RALYL: variants seen among roughly 807,000 people sequenced by gnomAD.
RALYL encodes RALY RNA binding protein like, also known as RNA-binding Raly-like protein.
Under a neutral mutation model 35.1 loss-of-function variants are expected in RALYL, and 29 were observed. The ratio of observed to expected loss-of-function variants is 0.83; its 90% CI spans 0.61 to 1.13. RALYL has a LOEUF of 1.13. Ranked by LOEUF, RALYL falls within the 50% of genes most tolerant of loss-of-function variation. RALYL has a pLI of 0.00. For synonymous variants in RALYL, 120 were observed against 127.6 expected, an observed-to-expected ratio of 0.94 and a Z score of 0.40; for missense variants, 359 against 360.4, an observed-to-expected ratio of 1.00 and a Z score of 0.03.
At chr8:84,907,850 G>A (rs1232927593) in intron 8 of RALYL, among the ~76,000 whole-genome samples, 2 of 151,816 alleles carry the variant, frequency 1.3e-5, no homozygotes, top group African/African-American at 4.8e-5. Context: ...TAAATATAAT[G>A]AAAGGACAAA....
At chr8:84,372,872 C>A (rs1856020818) in intron 1 of RALYL, among the ~76,000 whole-genome samples, 1 of 112,618 alleles carries the variant, frequency 8.9e-6, no homozygotes. Flanking sequence ...TTCTCCACAA[C>A]CATGCCAGCA....
intron 1 of RALYL, among the ~76,000 whole-genome samples, chr8:84,379,053 G>A (rs762843594): frequency 1.3e-5 from 2 of 151,804 alleles, no homozygotes; most frequent in Non-Finnish European, 1.5e-5. Context: ...CTCCATGTTC[G>A]ACAGCCTGTG....
intron 2 of RALYL, among the ~76,000 whole-genome samples, chr8:84,694,770 A>C (rs1028506782): frequency 6.6e-6 from 1 of 151,804 alleles, no homozygotes; most frequent in Non-Finnish European, 1.5e-5. Context: ...TTTGCCAATA[A>C]ATTATTGTCT....
chr8:84,921,057 A>G lies in RALYL; in HGVS notation c.*146A>G. The G allele has an allele frequency of 2.3e-6, 1 of 435,968 alleles. No individual in the cohort carries two copies. The highest frequency in any genetic ancestry group is 2.0e-5 in the African/African-American group (1 of 48,914). 27.0% of individuals were successfully genotyped at this position (435,968 alleles called of 1,614,324 possible). A position where few individuals can be genotyped will look rare whatever the true frequency, so the allele number is the denominator to read the frequency against. ...ATAAATAAAATGGACAGTATTGCTC[A>G]GTTTTAGAAATTCCATTTCTTCTAT... On this transcript the variant is annotated 3_prime_UTR_variant, in exon 9 of 9. Coordinates refer to ENST00000521268, the MANE Select transcript of RALYL (RefSeq NM_173848.7).
At chr8:84,517,747 C>T (rs2058169528) in intron 1 of RALYL, among the ~76,000 whole-genome samples, 1 of 152,148 alleles carries the variant, frequency 6.6e-6, no homozygotes, top group African/African-American at 2.4e-5. Context: ...TAGTCTAGGG[C>T]ATGAATTTCT....
chr8:84,805,381 C>T (rs1468372458), intron 4 of RALYL, among the ~76,000 whole-genome samples: 1 of 152,160 alleles, frequency 6.6e-6, no homozygotes, highest in Non-Finnish European at 1.5e-5. Context: ...AGTCACAATA[C>T]ATATCTTTAA....
At chr8:84,184,773 G>A in intron 1 of RALYL, 1 of 477,500 alleles carries the variant, frequency 2.1e-6, no homozygotes, top group South Asian at 4.0e-5. Flanking sequence ...GTTCTCCGAG[G>A]GCCACTTGCA....
chr8:84,810,303 C>G (rs1490752066), intron 4 of RALYL, among the ~76,000 whole-genome samples: 1 of 152,016 alleles, frequency 6.6e-6, no homozygotes, highest in Admixed American at 6.6e-5. Flanking sequence ...TTGAAGATTC[C>G]TTTTTGAGTT....
At chr8:84,270,566 G>GTGT (rs1834104594) in intron 1 of RALYL, among the ~76,000 whole-genome samples, 2 of 151,658 alleles carry the variant, frequency 1.3e-5, no homozygotes, top group African/African-American at 4.9e-5. Context: ...GTGTGTGTGT[G>GTGT]TGTGTGTGTG....
intron 1 of RALYL, among the ~76,000 whole-genome samples, chr8:84,403,902 G>C (rs981509451): frequency 6.6e-6 from 1 of 152,034 alleles, no homozygotes; most frequent in Non-Finnish European, 1.5e-5. Flanking sequence ...TATATCCACT[G>C]TAAGTTGTAT....
chr8:84,737,068 A>G (rs1362871407), intron 2 of RALYL, among the ~76,000 whole-genome samples: 1 of 152,066 alleles, frequency 6.6e-6, no homozygotes, highest in Non-Finnish European at 1.5e-5. Flanking sequence ...TAGGAATTTG[A>G]TACAGTAGTC....
At chr8:84,684,618 T>C (rs1306742778) in intron 2 of RALYL, among the ~76,000 whole-genome samples, 1 of 152,200 alleles carries the variant, frequency 6.6e-6, no homozygotes, top group Non-Finnish European at 1.5e-5. Context: ...GAAGTTAGTA[T>C]TTGAAAGGTC....
At chr8:84,805,686 C>T (rs565526535) in intron 4 of RALYL, among the ~76,000 whole-genome samples, 1 of 152,132 alleles carries the variant, frequency 6.6e-6, no homozygotes, top group Non-Finnish European at 1.5e-5. Flanking sequence ...AAGACTCTGT[C>T]CCAAAAAGTA....
chr8:84,785,504 T>TA (rs1302127862), intron 3 of RALYL, among the ~76,000 whole-genome samples: 1 of 152,244 alleles, frequency 6.6e-6, no homozygotes, highest in African/African-American at 2.4e-5. Flanking sequence ...AAGTCAGACA[T>TA]ACATGCTTTA....
chr8:84,635,326 A>G lies in RALYL; in HGVS notation c.256+105749A>G, dbSNP rs957268721. Among the ~76,000 whole-genome samples, 11 of 148,894 alleles carry G rather than the reference A, an allele frequency of 7.4e-5. No homozygotes were observed. In the East Asian group the frequency reaches 1.6e-3, roughly 21 times the overall value. ...CTTCCAATTGTTTAGAACACCTGCC[A>G]TATCTTTTAAGTACTGTCTTCTATA... On this transcript the variant is annotated intron_variant, in intron 2 of 8. Transcript: ENST00000521268.
At chr8:84,780,986 G>A (rs1818021394) in intron 3 of RALYL, among the ~76,000 whole-genome samples, 1 of 152,114 alleles carries the variant, frequency 6.6e-6, no homozygotes, top group Non-Finnish European at 1.5e-5. Flanking sequence ...AGTCTCCTGA[G>A]TAGCTGGGAC....
chr8:84,713,578 G>A (rs1564418540), intron 2 of RALYL, among the ~76,000 whole-genome samples: 9 of 151,848 alleles, frequency 5.9e-5, no homozygotes. Flanking sequence ...TACATAAAGT[G>A]ACAACAAGTG....
At chr8:84,913,105 G>A (rs1423262878) in intron 8 of RALYL, among the ~76,000 whole-genome samples, 2 of 138,898 alleles carry the variant, frequency 1.4e-5, no homozygotes, top group East Asian at 4.0e-4. Flanking sequence ...TATACACTAA[G>A]TAACACCACA....
intron 8 of RALYL, among the ~76,000 whole-genome samples, chr8:84,911,006 G>A (rs1847419714): frequency 6.6e-6 from 1 of 151,928 alleles, no homozygotes; most frequent in African/African-American, 2.4e-5. Flanking sequence ...TTTTCTTTGA[G>A]TTGTTTCTAT....
Sources: gnomAD v4.1 joint callset for allele counts (sites outside exome capture counted in the v4.1 genomes callset) on GRCh38, gnomAD v4.1.1 for gene constraint, MANE v1.5 for transcripts, NCBI Gene and HGNC (gene_info 2026-07-23, HGNC 2026-07-21) for gene names.